RABGAP1L: variants seen among roughly 807,000 people sequenced by gnomAD.
The protein encoded by RABGAP1L is rab GTPase-activating protein 1-like.
Under a neutral mutation model 137.7 loss-of-function variants are expected in RABGAP1L, and 63 were observed. That is an observed-to-expected ratio of 0.46 (90% CI 0.37 to 0.56). RABGAP1L has a LOEUF of 0.56. RABGAP1L is among the 20% of genes least tolerant of loss of function. RABGAP1L has a pLI of 0.00. For synonymous variants in RABGAP1L, 431 were observed against 433.7 expected (o/e 0.99, Z 0.08); for missense variants, 1,095 against 1,244.0 (o/e 0.88, Z 1.80).
At chr1:174,894,888 C>T (rs1183895177) in intron 19 of RABGAP1L, among the ~76,000 whole-genome samples, 2 of 152,140 alleles carry the variant, frequency 1.3e-5, no homozygotes, top group Non-Finnish European at 2.9e-5. Flanking sequence ...TCCCGAGTAG[C>T]TGAGATTACA....
chr1:174,321,576 T>A (rs1401256874), intron 11 of RABGAP1L, among the ~76,000 whole-genome samples: 2 of 152,088 alleles, frequency 1.3e-5, no homozygotes, highest in African/African-American at 4.8e-5. Context: ...TACATTGAAA[T>A]ATTGGGGGTG....
chr1:174,427,505 C>T (rs971888781), intron 13 of RABGAP1L, among the ~76,000 whole-genome samples: 2 of 152,064 alleles, frequency 1.3e-5, no homozygotes, highest in Non-Finnish European at 2.9e-5. Flanking sequence ...GTTCCCTATG[C>T]TACCTAATCA....
chr1:174,647,982 G>T (rs1675129939), intron 14 of RABGAP1L, among the ~76,000 whole-genome samples: 1 of 152,050 alleles, frequency 6.6e-6, no homozygotes. Context: ...AGATTTTCTA[G>T]TTTATTTGTG....
intron 11 of RABGAP1L, among the ~76,000 whole-genome samples, chr1:174,364,104 T>C (rs1684377717): frequency 6.6e-6 from 1 of 151,810 alleles, no homozygotes; most frequent in Non-Finnish European, 1.5e-5. Context: ...ATAGTTTGAG[T>C]AGGATTGGTA....
At chr1:174,802,831 A>T (rs1688879708) in intron 18 of RABGAP1L, among the ~76,000 whole-genome samples, 1 of 152,246 alleles carries the variant, frequency 6.6e-6, no homozygotes, top group Non-Finnish European at 1.5e-5. Context: ...GAAATTGTTC[A>T]GCCTTGTGTT....
chr1:174,438,445 G>A (rs547398740), intron 13 of RABGAP1L, among the ~76,000 whole-genome samples: 50 of 152,018 alleles, frequency 3.3e-4, no homozygotes, highest in African/African-American at 9.9e-4. Flanking sequence ...TAGGCTGGGC[G>A]CAGTGGCTCA....
At chr1:174,949,573 A>G (rs1667415524) in intron 19 of RABGAP1L, among the ~76,000 whole-genome samples, 1 of 152,164 alleles carries the variant, frequency 6.6e-6, no homozygotes, top group Non-Finnish European at 1.5e-5. Context: ...AAGGTGGGGT[A>G]TTAGTCCAGG....
intron 23 of RABGAP1L, 137 bp downstream of exon 23, chr1:174,979,027 AT>A: frequency 2.4e-6 from 3 of 1,257,582 alleles, no homozygotes; most frequent in Non-Finnish European, 3.1e-6. Context: ...AGGAAAAAAA[AT>A]TTTTTAGTTA....
At chr1:174,181,707 G>T (rs1374165610) in intron 1 of RABGAP1L, among the ~76,000 whole-genome samples, 1 of 152,148 alleles carries the variant, frequency 6.6e-6, no homozygotes, top group Non-Finnish European at 1.5e-5. Context: ...AGCCCCCACA[G>T]ATACTAAGGG....
intron 19 of RABGAP1L, among the ~76,000 whole-genome samples, chr1:174,887,448 A>T (rs1436219354): frequency 2.0e-5 from 3 of 152,178 alleles, no homozygotes; most frequent in Non-Finnish European, 4.4e-5. Context: ...GTCTTTTACC[A>T]TTATTCATTT....
chr1:174,686,646 ATC>A (rs370641071), intron 15 of RABGAP1L, among the ~76,000 whole-genome samples: 2 of 121,916 alleles, frequency 1.6e-5, no homozygotes, highest in African/African-American at 3.7e-5. Flanking sequence ...GAACAAAGCA[ATC>A]TTTTTTTTTT....
At chr1:174,297,404 C>T (rs1272688086) in intron 10 of RABGAP1L, among the ~76,000 whole-genome samples, 4 of 152,110 alleles carry the variant, frequency 2.6e-5, no homozygotes, top group African/African-American at 2.4e-5. Flanking sequence ...CGCCTCCCGC[C>T]GGCTCTTCAA....
At chr1:174,710,922 C>G (rs528420005) in intron 17 of RABGAP1L, among the ~76,000 whole-genome samples, 1 of 152,204 alleles carries the variant, frequency 6.6e-6, no homozygotes, top group Non-Finnish European at 1.5e-5. Flanking sequence ...GAGCAGGGGG[C>G]GGTGCTCATC....
At chr1:174,339,048 C>T (rs1681731036) in intron 11 of RABGAP1L, among the ~76,000 whole-genome samples, 1 of 152,036 alleles carries the variant, frequency 6.6e-6, no homozygotes, top group Non-Finnish European at 1.5e-5. Flanking sequence ...CTATACTTTT[C>T]TTGTGTACAT....
chr1:174,948,182 G>A (rs990431387), intron 19 of RABGAP1L, among the ~76,000 whole-genome samples: 2 of 152,088 alleles, frequency 1.3e-5, no homozygotes, highest in African/African-American at 4.8e-5. Context: ...GCAGCAGGAT[G>A]ACTATAGTCA....
intron 11 of RABGAP1L, among the ~76,000 whole-genome samples, chr1:174,354,728 C>T (rs910338196): frequency 1.3e-5 from 2 of 152,208 alleles, no homozygotes; most frequent in African/African-American, 4.8e-5. Context: ...GACATGAAGT[C>T]CTTGCCCATG....
chr1:174,732,878 A>G (rs181757553), intron 17 of RABGAP1L, among the ~76,000 whole-genome samples: 1 of 152,292 alleles, frequency 6.6e-6, no homozygotes, highest in East Asian at 1.9e-4. Flanking sequence ...GTGATATTTC[A>G]TGGTCTATTT....
At chr1:174,250,298 T>C (rs1012324727) in intron 5 of RABGAP1L, among the ~76,000 whole-genome samples, 177 bp from the exon 6 acceptor site, 8 of 152,124 alleles carry the variant, frequency 5.3e-5, no homozygotes, top group Non-Finnish European at 1.0e-4. Context: ...GCACAAGTGA[T>C]GAAAATGTTG....
intron 13 of RABGAP1L, among the ~76,000 whole-genome samples, chr1:174,615,151 G>C (rs1306641838): frequency 2.0e-5 from 3 of 152,082 alleles, no homozygotes; most frequent in Admixed American, 2.0e-4. Flanking sequence ...GAGAAGAGGT[G>C]CTCTGCTTTT....
Sources: gnomAD v4.1 joint callset for allele counts (sites outside exome capture counted in the v4.1 genomes callset) on GRCh38, gnomAD v4.1.1 for gene constraint, MANE v1.5 for transcripts, NCBI Gene and HGNC (gene_info 2026-07-23, HGNC 2026-07-21) for gene names.